Variants in UBE2H observed in about 807,000 individuals in gnomAD.
The protein encoded by UBE2H is ubiquitin-conjugating enzyme E2 H.
UBE2H carries 3 observed loss-of-function variants against 29.0 expected under a neutral mutation model. The ratio of observed to expected loss-of-function variants is 0.10; its 90% CI spans 0.05 to 0.27. The LOEUF (loss-of-function observed/expected upper bound fraction) is 0.27. Among genes scored for constraint, UBE2H ranks in the 10% least tolerant of loss-of-function variants. The probability of loss-of-function intolerance (pLI) is 1.00; values close to 1 mark genes in which losing one functional copy is unlikely to be tolerated. For synonymous variants in UBE2H, 69 were observed against 82.9 expected (o/e 0.83, Z 0.91); for missense variants, 68 against 228.2 (o/e 0.30, Z 4.52).
intron 1 of UBE2H, among the ~76,000 whole-genome samples, chr7:129,913,568 T>C (rs1255209537): frequency 3.3e-5 from 5 of 151,704 alleles, no homozygotes; most frequent in African/African-American, 1.2e-4. Flanking sequence ...AAGGCCTGTA[T>C]GTTTCATTCG....
intron 1 of UBE2H, among the ~76,000 whole-genome samples, chr7:129,927,855 G>A (rs1473976295): frequency 2.6e-5 from 4 of 151,994 alleles, no homozygotes; most frequent in African/African-American, 9.7e-5. Context: ...ATTACAGATA[G>A]ATAAGAGAAA....
intron 1 of UBE2H, among the ~76,000 whole-genome samples, chr7:129,945,594 C>G: frequency 6.6e-6 from 1 of 152,276 alleles, no homozygotes; most frequent in Non-Finnish European, 1.5e-5. Context: ...TGTTTACCTT[C>G]TTTGATCTAG....
intron 1 of UBE2H, among the ~76,000 whole-genome samples, chr7:129,900,197 A>G (rs1376032306): frequency 6.6e-6 from 1 of 152,118 alleles, no homozygotes; most frequent in African/African-American, 2.4e-5. Context: ...TTAACTTCTT[A>G]TTTCTTAGGT....
At chr7:129,906,495 C>T (rs536992659) in intron 1 of UBE2H, among the ~76,000 whole-genome samples, 31 of 152,068 alleles carry the variant, frequency 2.0e-4, no homozygotes, top group South Asian at 4.2e-4. Flanking sequence ...GTGAGTCACG[C>T]GCCCAGCCCT....
At chr7:129,887,762 T>C (rs1241389474) in intron 1 of UBE2H, among the ~76,000 whole-genome samples, 1 of 151,920 alleles carries the variant, frequency 6.6e-6, no homozygotes, top group Non-Finnish European at 1.5e-5. Flanking sequence ...AGCCAGGCGT[T>C]GTGGCACATG....
intron 5 of UBE2H, 59 bp from the exon 6 acceptor site, chr7:129,839,394 T>A: frequency 1.9e-6 from 3 of 1,606,384 alleles, no homozygotes; most frequent in Non-Finnish European, 2.5e-6. Flanking sequence ...AAAATTCACT[T>A]GCATTCAGTA....
chr7:129,876,258 C>G (rs1806142410), intron 3 of UBE2H, among the ~76,000 whole-genome samples: 1 of 152,102 alleles, frequency 6.6e-6, no homozygotes, highest in African/African-American at 2.4e-5. Context: ...AATGGGTCAG[C>G]TGCATATCTC....
intron 1 of UBE2H, 151 bp downstream of exon 1, chr7:129,952,352 G>T: frequency 1.1e-6 from 1 of 901,466 alleles, no homozygotes; most frequent in Non-Finnish European, 1.6e-6. Context: ...CCTGGGAGGT[G>T]CCAAGGAGCC....
chr7:129,927,179 A>G (rs1274091259), intron 1 of UBE2H, among the ~76,000 whole-genome samples: 1 of 152,236 alleles, frequency 6.6e-6, no homozygotes, highest in African/African-American at 2.4e-5. Context: ...ACAGAATAAA[A>G]CAGAGACACT....
intron 3 of UBE2H, among the ~76,000 whole-genome samples, chr7:129,862,597 G>T (rs1177677745): frequency 6.6e-6 from 1 of 152,186 alleles, no homozygotes; most frequent in Non-Finnish European, 1.5e-5. Flanking sequence ...TGAAGGAGGT[G>T]AAAGAGGAGC....
chr7:129,934,616 C>T lies in UBE2H; in HGVS notation c.53+17887G>A, dbSNP rs552387599. 5.1e-4 allele frequency among the ~76,000 whole-genome samples: 63 copies of T among 124,072 alleles called. 1 individual carries two copies. Among genetic ancestry groups the T allele is most frequent in the African/African-American group, 1.8e-3 (58 of 32,402 alleles). 81.4% of individuals were successfully genotyped at this position (124,072 alleles called of 152,430 possible). The stretch of plus-strand genomic sequence containing the variant: ...TCATGCCACTGCACTCCAGCCTGGG[C>T]GACAGAGCAAGACTCCGTCTTTAAA... On this transcript the variant is annotated intron_variant, in intron 1 of 6. Transcript: ENST00000355621.
intron 1 of UBE2H, among the ~76,000 whole-genome samples, chr7:129,934,249 G>A (rs1807469009): frequency 6.6e-6 from 1 of 152,042 alleles, no homozygotes; most frequent in East Asian, 1.9e-4. Flanking sequence ...TTGAGCCTGG[G>A]AGGTGGAGGT....
intron 3 of UBE2H, among the ~76,000 whole-genome samples, chr7:129,874,006 C>T (rs1806096140): frequency 1.3e-5 from 2 of 152,144 alleles, no homozygotes; most frequent in Admixed American, 1.3e-4. Flanking sequence ...CCTTATAACA[C>T]AGTTTTCTAA....
At position 129,830,899 on chromosome 7, in the gene UBE2H, A is replaced by G. The variant is rs1235249530; in HGVS notation, c.*4038T>C. On this transcript the variant is annotated 3_prime_UTR_variant, in exon 7 of 7. Transcript: ENST00000355621. ...AAGGGAGGAGACAGGGCGAGGAAAA[A>G]TAAGCGATAAAAAGCTTCAGATTTC... The G allele has an allele frequency of 6.6e-6, 1 of 150,434 alleles. No homozygotes were observed. Among genetic ancestry groups the G allele is most frequent in the Non-Finnish European group, 1.5e-5 (1 of 67,786 alleles). 9.3% of individuals were successfully genotyped at this position (150,434 alleles called of 1,614,324 possible).
chr7:129,844,929 C>G (rs117741296), intron 5 of UBE2H, among the ~76,000 whole-genome samples: 9,523 of 152,252 alleles, frequency 0.063, 371 homozygotes, highest in Non-Finnish European at 0.092. Context: ...AGGAGTTTCA[C>G]ACCAGCCTGG....
At chr7:129,900,952 G>A (rs943362270) in intron 1 of UBE2H, among the ~76,000 whole-genome samples, 2 of 151,896 alleles carry the variant, frequency 1.3e-5, no homozygotes, top group Admixed American at 6.6e-5. Context: ...GGGTTTCACC[G>A]TGTTAGCCAG....
intron 3 of UBE2H, 103 bp downstream of exon 3, chr7:129,879,465 A>G: frequency 5.3e-6 from 6 of 1,130,100 alleles, no homozygotes; most frequent in Non-Finnish European, 7.8e-6. Context: ...GAAAAATTCA[A>G]TTAGACAGCC....
intron 1 of UBE2H, among the ~76,000 whole-genome samples, chr7:129,909,756 C>T (rs1380079385): frequency 4.6e-5 from 7 of 152,138 alleles, no homozygotes; most frequent in African/African-American, 1.4e-4. Flanking sequence ...CCATTTTCCA[C>T]TCATTCTTCA....
intron 3 of UBE2H, among the ~76,000 whole-genome samples, chr7:129,873,980 A>C (rs2727487): frequency 0.58 from 88,088 of 151,986 alleles, 26,106 homozygotes; most frequent in Middle Eastern, 0.7. Flanking sequence ...ATTGGTTTCT[A>C]AACTTGTTAC....
Sources: allele counts gnomAD v4.1 joint callset (sites outside exome capture counted in the v4.1 genomes callset), GRCh38; gene constraint gnomAD v4.1.1; transcripts MANE v1.5; gene names NCBI Gene and HGNC (gene_info 2026-07-23, HGNC 2026-07-21).